LPA: variants seen among roughly 807,000 people sequenced by gnomAD.
LPA encodes the protein apolipoprotein(a).
In LPA, 199 loss-of-function variants were observed where a neutral mutation model predicts 197.9. The observed-to-expected ratio is 1.01, with a 90% CI of 0.90 to 1.13. The LOEUF (loss-of-function observed/expected upper bound fraction) is 1.13, where lower values mean the gene tolerates loss of function less well. Ranked by LOEUF, LPA falls within the 50% of genes most tolerant of loss-of-function variation. The pLI is 0.00. For missense variants in LPA, 1,853 were observed against 1,785.8 expected, an observed-to-expected ratio of 1.04 and a Z score of -0.68; for synonymous variants, 715 against 639.5, an observed-to-expected ratio of 1.12 and a Z score of -1.78.
At chr6:160,589,395 C>T (rs889379961) in intron 24 of LPA, among the ~76,000 whole-genome samples, 158 bp downstream of exon 24, 3 of 152,240 alleles carry the variant, frequency 2.0e-5, no homozygotes, top group African/African-American at 7.2e-5. Context: ...TTTCTCTCCT[C>T]TCAGACCCTG....
chr6:160,646,600 AT>A (rs1161316763), intron 2 of LPA, among the ~76,000 whole-genome samples: 110 of 85,364 alleles, frequency 1.3e-3, no homozygotes, highest in Admixed American at 3.1e-3. Flanking sequence ...GATTATTACT[AT>A]TTTTTTTAAA....
chr6:160,579,173 G>A (rs1469179652), intron 26 of LPA, among the ~76,000 whole-genome samples: 1 of 151,982 alleles, frequency 6.6e-6, no homozygotes, highest in African/African-American at 2.4e-5. Flanking sequence ...CAAGGAAGAA[G>A]TGGCATCCAA....
intron 30 of LPA, among the ~76,000 whole-genome samples, chr6:160,554,450 G>A (rs1401871419): frequency 6.6e-6 from 1 of 152,088 alleles, no homozygotes; most frequent in East Asian, 1.9e-4. Flanking sequence ...GATCATTTGG[G>A]TCCTTTTAGA....
intron 16 of LPA, among the ~76,000 whole-genome samples, chr6:160,611,092 C>T (rs767630254): frequency 1.3e-5 from 2 of 152,112 alleles, no homozygotes; most frequent in Non-Finnish European, 2.9e-5. Flanking sequence ...AAGAGATTTT[C>T]TCCCTATTGG....
At chr6:160,579,449 C>G (rs945759983) in intron 26 of LPA, among the ~76,000 whole-genome samples, 1 of 152,136 alleles carries the variant, frequency 6.6e-6, no homozygotes, top group Non-Finnish European at 1.5e-5. Flanking sequence ...TGCAGCCACT[C>G]TGGGACTGAA....
chr6:160,537,572 G>C (rs1032390475), intron 37 of LPA, among the ~76,000 whole-genome samples: 2 of 152,046 alleles, frequency 1.3e-5, no homozygotes, highest in African/African-American at 2.4e-5. Flanking sequence ...GACCTCTACT[G>C]GTGTTTGTTT....
At chr6:160,610,175 G>A (rs752460807) in intron 16 of LPA, among the ~76,000 whole-genome samples, 17 of 152,054 alleles carry the variant, frequency 1.1e-4, no homozygotes, top group African/African-American at 3.4e-4. Flanking sequence ...TTTTCTACAC[G>A]TAGTCAAATT....
chr6:160,587,795 G>C (rs61120739), intron 24 of LPA, among the ~76,000 whole-genome samples: 4,117 of 137,676 alleles, frequency 0.03, 136 homozygotes, highest in African/African-American at 0.071. Flanking sequence ...GTGTGTGTGT[G>C]TGTGTTTCTG....
chr6:160,577,354 G>T, intron 27 of LPA, 59 bp from the exon 28 acceptor site: 7 of 1,501,314 alleles, frequency 4.7e-6, no homozygotes, highest in Non-Finnish European at 6.5e-6. Context: ...AAACATGGGA[G>T]ACAATTTATG....
intron 20 of LPA, among the ~76,000 whole-genome samples, chr6:160,596,376 T>G (rs1246842596): frequency 6.6e-6 from 1 of 151,932 alleles, no homozygotes; most frequent in Non-Finnish European, 1.5e-5. Context: ...CCATCTGCTT[T>G]CCTTGGCTCT....
intron 28 of LPA, 75 bp from the exon 29 acceptor site, chr6:160,557,646 G>C: frequency 7.5e-7 from 1 of 1,331,414 alleles, no homozygotes; most frequent in Non-Finnish European, 1.1e-6. Context: ...TCTAAACTTT[G>C]TTATAACAAA....
At chr6:160,647,257 G>T (rs766955884) in intron 2 of LPA, among the ~76,000 whole-genome samples, 4 of 152,168 alleles carry the variant, frequency 2.6e-5, no homozygotes, top group Non-Finnish European at 5.9e-5. Context: ...CTATGGAGGA[G>T]CAAAAAACAA....
rs753865531 is a variant in LPA, at chr6:160,585,111, TG to T, written c.4223del (p.Thr1408AsnfsTer8). On this transcript the variant is annotated frameshift_variant, in exon 26 of 39. Coordinates refer to ENST00000316300, the MANE Select transcript of LPA (RefSeq NM_005577.4). LOFTEE classifies it high-confidence loss of function. The stretch of plus-strand genomic sequence containing the variant: ...GTGTCATAGACGACCAAGACTGACA[TG>T]TTCTTCCTGTGATAGTGGTGGAGAG... Reference protein sequence around the residue: ...GTLSTTITGRTCQSWSSMTPH... With the variant: ...GTLSTTITGRXCQSWSSMTPH... 1.2e-6 allele frequency: 2 copies of T among 1,613,738 alleles called. No homozygotes were observed. Among genetic ancestry groups the T allele is most frequent in the Non-Finnish European group, 1.7e-6 (2 of 1,179,802 alleles).
chr6:160,572,913 C>T (rs891583580), intron 28 of LPA, among the ~76,000 whole-genome samples: 1 of 152,108 alleles, frequency 6.6e-6, no homozygotes, highest in African/African-American at 2.4e-5. Flanking sequence ...ATGAATTTCC[C>T]AGGTGTTCTT....
At chr6:160,597,152 C>T (rs912803618) in intron 20 of LPA, among the ~76,000 whole-genome samples, 12 of 152,176 alleles carry the variant, frequency 7.9e-5, no homozygotes, top group African/African-American at 2.4e-4. Context: ...CTCGGTAGTT[C>T]GGTATAATGT....
chr6:160,540,015 G>T, intron 36 of LPA, 28 bp downstream of exon 36: 3 of 1,614,020 alleles, frequency 1.9e-6, no homozygotes, highest in Non-Finnish European at 2.5e-6. Flanking sequence ...TCACCAGCGT[G>T]GGGTGAAGAC....
intron 28 of LPA, among the ~76,000 whole-genome samples, chr6:160,569,540 C>T (rs896376325): frequency 2.0e-5 from 3 of 151,806 alleles, no homozygotes; most frequent in African/African-American, 7.2e-5. Context: ...TAGAAGAAAA[C>T]CTAAGCAATA....
chr6:160,606,780 T>A, intron 16 of LPA, 122 bp from the exon 17 acceptor site: 1 of 1,443,212 alleles, frequency 6.9e-7, no homozygotes, highest in Non-Finnish European at 9.7e-7. Flanking sequence ...CCCATAAAAG[T>A]ACCATATGAT....
chr6:160,532,686 C>A, intron 37 of LPA, 37 bp from the exon 38 acceptor site: 3 of 1,362,252 alleles, frequency 2.2e-6, no homozygotes, highest in Non-Finnish European at 2.1e-6. Flanking sequence ...GTTACTGAGG[C>A]CAAAGCTTGT....
Sources: gnomAD v4.1 joint callset for allele counts (sites outside exome capture counted in the v4.1 genomes callset) on GRCh38, gnomAD v4.1.1 for gene constraint, MANE v1.5 for transcripts, NCBI Gene and HGNC (gene_info 2026-07-23, HGNC 2026-07-21) for gene names.